Variants in DECR1 observed in about 807,000 individuals in gnomAD.
DECR1 encodes 2,4-dienoyl-CoA reductase 1.
A neutral mutation model predicts 38.8 loss-of-function variants in DECR1; 44 were observed. The ratio of observed to expected loss-of-function variants is 1.13; its 90% CI spans 0.89 to 1.46. The LOEUF (loss-of-function observed/expected upper bound fraction) is 1.46, where lower values mean the gene tolerates loss of function less well. DECR1 is among the 40% of genes most tolerant of loss of function. The pLI is 0.00. For missense variants in DECR1, 428 were observed against 405.5 expected, an observed-to-expected ratio of 1.06 and a Z score of -0.48; for synonymous variants, 148 against 135.2, an observed-to-expected ratio of 1.09 and a Z score of -0.66.
At position 90,024,967 on chromosome 8, in the gene DECR1, A is replaced by G. The variant is rs1286690492; in HGVS notation, c.565+3911A>G. ...CTAGCCAGTTTTCCCAGCACCATTT[A>G]TTAAATAGGAAATCCTTTCCCCATT... On this transcript the variant is annotated intron_variant, in intron 5 of 9. Transcript: ENST00000220764. Among the ~76,000 whole-genome samples, 19 of 152,352 alleles carry G rather than the reference A, an allele frequency of 1.2e-4. 1 individual carries two copies. The South Asian group carries it at 3.3e-3, about 27-fold the overall frequency.
At chr8:90,022,309 C>T (rs891840964) in intron 5 of DECR1, among the ~76,000 whole-genome samples, 6 of 152,204 alleles carry the variant, frequency 3.9e-5, no homozygotes, top group South Asian at 2.1e-4. Flanking sequence ...GCTTGAGATA[C>T]GCTGTAGGAA....
At chr8:90,009,402 C>T (rs1254776070) in intron 1 of DECR1, among the ~76,000 whole-genome samples, 1 of 152,138 alleles carries the variant, frequency 6.6e-6, no homozygotes, top group Non-Finnish European at 1.5e-5. Context: ...ATTTTTTCCC[C>T]ACACTACATA....
intron 5 of DECR1, among the ~76,000 whole-genome samples, chr8:90,022,426 T>A (rs1189481904): frequency 6.6e-6 from 1 of 152,172 alleles, no homozygotes; most frequent in East Asian, 1.9e-4. Flanking sequence ...TTGAAATTCC[T>A]GGTTACTCAT....
chr8:90,039,784 T>C (rs1242144939), intron 6 of DECR1, among the ~76,000 whole-genome samples: 1 of 152,212 alleles, frequency 6.6e-6, no homozygotes, highest in Non-Finnish European at 1.5e-5. Context: ...TGATTCATTA[T>C]ATAACCAGGC....
At chr8:90,041,557 T>A (rs1393211314) in intron 6 of DECR1, among the ~76,000 whole-genome samples, 1 of 152,204 alleles carries the variant, frequency 6.6e-6, no homozygotes, top group East Asian at 1.9e-4. Context: ...AAGGAGATTG[T>A]TATACTGTAC....
At chr8:90,036,281 C>A (rs1018008139) in intron 5 of DECR1, among the ~76,000 whole-genome samples, 1 of 152,080 alleles carries the variant, frequency 6.6e-6, no homozygotes, top group African/African-American at 2.4e-5. Context: ...CCTCCTCATC[C>A]TTCCATCTAT....
At chr8:90,018,526 A>G (rs1805865) in intron 2 of DECR1, 44,850 of 153,730 alleles carry the variant, frequency 0.29, 6,567 homozygotes, top group East Asian at 0.39. Context: ...AATAATTTCT[A>G]TTCATAGTTT....
chr8:90,016,633 A>G (rs1185675741), intron 1 of DECR1: 1 of 159,350 alleles, frequency 6.3e-6, no homozygotes, highest in African/African-American at 2.4e-5. Flanking sequence ...GCGAGACTCC[A>G]TCTCAAAAAA....
intron 1 of DECR1, among the ~76,000 whole-genome samples, chr8:90,015,350 T>C (rs1301831744): frequency 6.6e-6 from 1 of 152,200 alleles, no homozygotes; most frequent in East Asian, 1.9e-4. Flanking sequence ...GAAGTAACAA[T>C]TGAATTTACC....
chr8:90,011,411 A>G (rs979468769), intron 1 of DECR1, among the ~76,000 whole-genome samples: 1 of 152,174 alleles, frequency 6.6e-6, no homozygotes, highest in African/African-American at 2.4e-5. Flanking sequence ...CAATTCTTTA[A>G]TGAATCTCTT....
At chr8:90,032,086 G>T (rs533550188) in intron 5 of DECR1, among the ~76,000 whole-genome samples, 1 of 151,850 alleles carries the variant, frequency 6.6e-6, no homozygotes, top group African/African-American at 2.4e-5. Context: ...TGGTTTCTCT[G>T]CTTCAGATCT....
At chr8:90,047,472 A>C (rs1800079745) in intron 8 of DECR1, among the ~76,000 whole-genome samples, 5 of 152,234 alleles carry the variant, frequency 3.3e-5, no homozygotes, top group Admixed American at 3.3e-4. Flanking sequence ...TCAATTCAAC[A>C]AGAAGAGCTA....
chr8:90,050,618 A>G lies in DECR1; in HGVS notation c.886-1059A>G, dbSNP rs1020182373. 2.6e-5 allele frequency among the ~76,000 whole-genome samples: 4 copies of G among 152,228 alleles called. No individual in the cohort carries two copies. In the East Asian group the frequency reaches 7.7e-4, roughly 29 times the overall value. ...AACCATTGTGGAAGACAGTGTGGTGATTCCTCAAGGGTCTAGAACTAGAAA... is the reference window on the plus strand; with the variant it reads ...AACCATTGTGGAAGACAGTGTGGTGGTTCCTCAAGGGTCTAGAACTAGAAA... On this transcript the variant is annotated intron_variant, in intron 8 of 9. Coordinates refer to ENST00000220764, the MANE Select transcript of DECR1 (RefSeq NM_001359.2).
chr8:90,028,514 C>G (rs1311196220), intron 5 of DECR1, among the ~76,000 whole-genome samples: 1 of 151,904 alleles, frequency 6.6e-6, no homozygotes, highest in African/African-American at 2.4e-5. Context: ...AGCTAGAATT[C>G]CTTATACCTA....
chr8:90,048,474 A>C (rs1291681213), intron 8 of DECR1, among the ~76,000 whole-genome samples: 1 of 152,124 alleles, frequency 6.6e-6, no homozygotes, highest in Admixed American at 6.5e-5. Context: ...CACTCTCCCA[A>C]GACTAAACCT....
At chr8:90,014,468 C>T (rs1812957911) in intron 1 of DECR1, among the ~76,000 whole-genome samples, 1 of 152,122 alleles carries the variant, frequency 6.6e-6, no homozygotes, top group South Asian at 2.1e-4. Context: ...AATTTCTTCA[C>T]TTTGGTTTGG....
Position 90,018,942 on chromosome 8 carries a change from A to G in DECR1, c.306A>G (p.Gln102=). 1 of 1,595,304 alleles carries G rather than the reference A, an allele frequency of 6.3e-7. No individual in the cohort carries two copies. Among genetic ancestry groups the G allele is most frequent in the Non-Finnish European group, 8.6e-7 (1 of 1,166,568 alleles). ...ATGTTTTGAAAGCTACCGCAGAACA[A>G]ATTTCTTCTCAAACTGGAAATAAGG... is the stretch of plus-strand genomic sequence containing the variant. ...KMDVLKATAE[Q]ISSQTGNKVH... Residue 102 remains glutamine (Q), a synonymous_variant, in exon 3 of 10, where the codon CAA becomes CAG. Transcript: ENST00000220764.
chr8:90,018,781 AT>A, intron 2 of DECR1, 127 bp from the exon 3 acceptor site: 1 of 746,362 alleles, frequency 1.3e-6, no homozygotes, highest in South Asian at 1.7e-5. Context: ...ATTCACATTG[AT>A]TTTTGTATAT....
chr8:90,010,887 A>G (rs1252965185), intron 1 of DECR1, among the ~76,000 whole-genome samples: 1 of 152,062 alleles, frequency 6.6e-6, no homozygotes, highest in Non-Finnish European at 1.5e-5. Context: ...GTTTTCCTCT[A>G]CGTACTTCTT....
Sources: gnomAD v4.1 joint callset for allele counts (sites outside exome capture counted in the v4.1 genomes callset) on GRCh38, gnomAD v4.1.1 for gene constraint, MANE v1.5 for transcripts, NCBI Gene and HGNC (gene_info 2026-07-23, HGNC 2026-07-21) for gene names.